RUNX1T1: variants seen among roughly 807,000 people sequenced by gnomAD.
RUNX1T1 encodes the protein protein CBFA2T1.
RUNX1T1 carries 4 observed loss-of-function variants against 62.8 expected under a neutral mutation model. The ratio of observed to expected loss-of-function variants is 0.06; its 90% CI spans 0.03 to 0.15. The LOEUF is 0.15. RUNX1T1 is among the 10% of genes least tolerant of loss of function. RUNX1T1 has a pLI of 1.00. For synonymous variants in RUNX1T1, 291 were observed against 286.0 expected (o/e 1.02, Z -0.18); for missense variants, 508 against 754.3 (o/e 0.67, Z 3.82).
chr8:92,091,810 T>A (rs1008387064), intron 1 of RUNX1T1, among the ~76,000 whole-genome samples: 4 of 152,226 alleles, frequency 2.6e-5, no homozygotes, highest in African/African-American at 9.6e-5. Flanking sequence ...GTTGGTTCCA[T>A]ACATGTAATC....
chr8:92,096,134 T>C (rs1305026368), intron 1 of RUNX1T1, among the ~76,000 whole-genome samples: 1 of 152,176 alleles, frequency 6.6e-6, no homozygotes, highest in East Asian at 1.9e-4. Context: ...GTCCCTGAAC[T>C]TTAATGTGTC....
chr8:92,085,714 A>G (rs1836002495), intron 1 of RUNX1T1, among the ~76,000 whole-genome samples: 1 of 152,228 alleles, frequency 6.6e-6, no homozygotes, highest in Non-Finnish European at 1.5e-5. Flanking sequence ...AAAACAAGAT[A>G]AAGACCTTGA....
At chr8:91,956,004 G>A (rs747363903), downstream of RUNX1T1, 13 of 230,234 alleles carry the variant, frequency 5.6e-5, no homozygotes, top group Non-Finnish European at 9.5e-5. Context: ...GAGGAGAGGG[G>A]ACAAGGCAGA....
chr8:92,005,225 G>T, exon 5 of RUNX1T1: 1 of 1,614,068 alleles, frequency 6.2e-7, no homozygotes, highest in African/African-American at 1.3e-5. Flanking sequence ...TGCTGGGCGA[G>T]GTACTGGGCA....
chr8:92,081,580 C>T (rs1350283105), intron 1 of RUNX1T1, among the ~76,000 whole-genome samples: 1 of 147,032 alleles, frequency 6.8e-6, no homozygotes, highest in Non-Finnish European at 1.5e-5. Flanking sequence ...GGGAAAGACT[C>T]TCTCTAGGGA....
chr8:92,034,541 C>T (rs540231612), intron 1 of RUNX1T1, among the ~76,000 whole-genome samples: 29 of 152,018 alleles, frequency 1.9e-4, no homozygotes, highest in Non-Finnish European at 3.4e-4. Flanking sequence ...ATGCATTTAA[C>T]GGAGATTTCC....
At chr8:92,001,369 A>T (rs1304472549) in intron 5 of RUNX1T1, among the ~76,000 whole-genome samples, 3 of 152,168 alleles carry the variant, frequency 2.0e-5, no homozygotes, top group Non-Finnish European at 4.4e-5. Context: ...CCTAAGGAAA[A>T]AAAACATAAA....
At chr8:91,987,481 T>C (rs999829692) in intron 6 of RUNX1T1, among the ~76,000 whole-genome samples, 4 of 152,130 alleles carry the variant, frequency 2.6e-5, no homozygotes, top group African/African-American at 9.7e-5. Context: ...ACCTCCGTGA[T>C]AAAATTAGAC....
intron 1 of RUNX1T1, among the ~76,000 whole-genome samples, chr8:92,034,891 C>A (rs1007171759): frequency 6.6e-6 from 1 of 151,294 alleles, no homozygotes; most frequent in Admixed American, 6.6e-5. Context: ...TTTGCAGCAA[C>A]CCGGATGGAA....
At chr8:92,014,841 G>A (rs769405396) in intron 2 of RUNX1T1, 21 bp from the exon 4 acceptor site, 9 of 1,579,464 alleles carry the variant, frequency 5.7e-6, no homozygotes, top group Non-Finnish European at 7.8e-6. Context: ...CACAAAATCA[G>A]AAGGAAGTCA....
chr8:92,008,388 T>TCTCACA (rs1554617950), intron 4 of RUNX1T1, among the ~76,000 whole-genome samples: 1,329 of 131,942 alleles, frequency 0.01, 9 homozygotes, highest in East Asian at 0.028. Context: ...TCTCTCTCTC[T>TCTCACA]CACACACACA....
intron 9 of RUNX1T1, among the ~76,000 whole-genome samples, chr8:91,974,037 G>T (rs1377940059): frequency 2.6e-5 from 4 of 151,790 alleles, no homozygotes; most frequent in African/African-American, 9.7e-5. Context: ...TCTTGGAGAG[G>T]GCAAGCACAC....
At chr8:92,017,533 C>A (rs757334092) in intron 1 of RUNX1T1, 170 bp from the exon 3 acceptor site, 160 of 1,506,908 alleles carry the variant, frequency 1.1e-4, no homozygotes, top group Non-Finnish European at 1.4e-4. Context: ...CCAAACCCCA[C>A]TTAAGAAGGT....
intron 4 of RUNX1T1, among the ~76,000 whole-genome samples, chr8:92,008,588 A>C (rs978276573): frequency 2.6e-5 from 4 of 152,142 alleles, no homozygotes; most frequent in Non-Finnish European, 2.9e-5. Context: ...GCCAGCTCAG[A>C]GAGACAAATT....
chr8:92,025,623 T>C (rs2131259774), intron 1 of RUNX1T1, among the ~76,000 whole-genome samples: 1 of 152,346 alleles, frequency 6.6e-6, no homozygotes, highest in Non-Finnish European at 1.5e-5. Flanking sequence ...TTAGACTGTC[T>C]AGATCCCTCC....
chr8:92,072,143 T>G lies in RUNX1T1; in HGVS notation c.88+3822A>C, dbSNP rs191994441. On this transcript the variant is annotated intron_variant, in intron 2 of 11. Coordinates refer to the RUNX1T1 transcript ENST00000265814. ...AATTGTACTCAAATAATTATAATTT[T>G]TAACATGCTTGATTAAAGTGTAAAT... is the stretch of plus-strand genomic sequence containing the variant. 3.3e-5 allele frequency among the ~76,000 whole-genome samples: 5 copies of G among 152,358 alleles called. No homozygotes were observed. In the East Asian group the frequency reaches 9.6e-4, roughly 29 times the overall value.
At chr8:92,095,490 C>T in intron 1 of RUNX1T1, 2 of 1,525,624 alleles carry the variant, frequency 1.3e-6, no homozygotes, top group Non-Finnish European at 1.8e-6. Flanking sequence ...AGTGTGTGAG[C>T]GCAGGAGGGA....
At chr8:92,054,278 C>A (rs572316132) in intron 1 of RUNX1T1, among the ~76,000 whole-genome samples, 7 of 152,152 alleles carry the variant, frequency 4.6e-5, no homozygotes, top group Admixed American at 1.3e-4. Flanking sequence ...AGGGGTAAAC[C>A]GCTGACATAA....
At chr8:91,960,631 G>T in intron 10 of RUNX1T1, 114 bp from the exon 12 acceptor site, 1 of 1,156,214 alleles carries the variant, frequency 8.6e-7, no homozygotes, top group Non-Finnish European at 1.2e-6. Context: ...TATACAGTCA[G>T]GATGAAAAAT....
Sources: allele counts gnomAD v4.1 joint callset (sites outside exome capture counted in the v4.1 genomes callset), GRCh38; gene constraint gnomAD v4.1.1; transcripts MANE v1.5; gene names NCBI Gene and HGNC (gene_info 2026-07-23, HGNC 2026-07-21).